The following CUL9 variants were observed in gnomAD, a reference collection of about 807,000 sequenced individuals.
The protein encoded by CUL9 is cullin 9.
CUL9 carries 79 observed loss-of-function variants against 272.6 expected under a neutral mutation model. The ratio of observed to expected loss-of-function variants is 0.29; its 90% CI spans 0.24 to 0.35. The LOEUF is 0.35. Among genes scored for constraint, CUL9 ranks in the 10% least tolerant of loss-of-function variants. CUL9 has a pLI of 1.00. For missense variants in CUL9, 2,532 were observed against 3,255.6 expected, an observed-to-expected ratio of 0.78 and a Z score of 5.41; for synonymous variants, 1,186 against 1,286.5, an observed-to-expected ratio of 0.92 and a Z score of 1.67.
chr6:43,193,187 G>A lies in CUL9; in HGVS notation c.2367G>A (p.Leu789=). 6.2e-7 allele frequency: 1 copy of A among 1,614,088 alleles called. No individual in the cohort carries two copies. Among genetic ancestry groups the A allele is most frequent in the Non-Finnish European group, 8.5e-7 (1 of 1,179,998 alleles). ...VCMQEYKTSV[L]VQQAGLAALK... ...TGCAAGAATATAAGACTTCTGTCTT[G>A]GTGCAGCAGGCTGGGCTGGCGGTGA... Residue 789 remains leucine (L), a synonymous_variant, in exon 9 of 41, where the codon TTG becomes TTA. Coordinates refer to ENST00000252050, the MANE Select transcript of CUL9 (RefSeq NM_015089.4).
In CUL9 at chr6:43,223,415, C is replaced by T; in HGVS notation, c.7284+18C>T. ...CTGCCCAGGTACTGCCCGGCCCAGA[C>T]CCCTTCTGCTCCTGCATTCTGCGGG... On this transcript the variant is annotated intron_variant, in intron 39 of 40. Transcript: ENST00000252050. The surrounding 1 kb of genome is among the most constrained non-coding windows in gnomAD (Gnocchi z 4.1). 6.3e-7 allele frequency: 1 copy of T among 1,581,170 alleles called. No homozygotes were observed. Among genetic ancestry groups the T allele is most frequent in the Non-Finnish European group, 8.6e-7 (1 of 1,160,440 alleles).
At chr6:43,204,895 G>T (rs750665784) in intron 22 of CUL9, 38 bp downstream of exon 22, 4 of 1,612,118 alleles carry the variant, frequency 2.5e-6, no homozygotes, top group East Asian at 4.5e-5. Context: ...GAGGGGAGGG[G>T]CTGCTCCTTT....
rs138637879 is a variant in CUL9, at chr6:43,204,822, A to C, written c.4414A>C (p.Ile1472Leu). 3 of 1,614,222 alleles carry C rather than the reference A, an allele frequency of 1.9e-6. No homozygotes were observed. Among genetic ancestry groups the C allele is most frequent in the Non-Finnish European group, 2.5e-6 (3 of 1,180,042 alleles). ...GCTTCCAAGCAGCAGCCTGAGGAAC[A>C]TAACCCAGTGCTGGCTGAGCGTGGT... Reference protein sequence around the residue: ...PVLPSSSLRNITQCWLSVVQE... With the variant: ...PVLPSSSLRNLTQCWLSVVQE... Residue 1472 changes from isoleucine to leucine, a missense_variant, in exon 22 of 41, where the codon ATA (isoleucine) becomes CTA (leucine). By Grantham distance (5) the Ile-to-Leu change is conservative. Around this residue, in one of 3 missense-constraint regions of CUL9, gnomAD observed 2,218 missense variants for 2,788.6 expected, o/e 0.80. Transcript: ENST00000252050.
chr6:43,221,774 C>T lies in CUL9; in HGVS notation c.6842C>T (p.Ala2281Val), dbSNP rs1776386006. The T allele has an allele frequency of 6.2e-7, 1 of 1,611,574 alleles. No homozygotes were observed. ...PNHKDYYNCS[A>V]MVSKAARQEK... ...CACAAAGACTATTACAACTGCTCTG[C>T]CATGGTAAGGCGCTGGGCACTAGGG... The change falls in exon 35 of 41, where the codon GCC becomes GTC. Residue 2281 changes from alanine to valine, a missense_variant. Physicochemically the swap from Ala to Val is moderately conservative, Grantham distance 64. Coordinates refer to ENST00000252050, the MANE Select transcript of CUL9 (RefSeq NM_015089.4). The surrounding 1 kb of genome is among the most constrained non-coding windows in gnomAD (Gnocchi z 4.2).
intron 37 of CUL9, 43 bp downstream of exon 37, chr6:43,222,684 A>G (rs1303726764): frequency 6.2e-7 from 1 of 1,607,224 alleles, no homozygotes; most frequent in South Asian, 1.1e-5. Context: ...GGGTGTGCCA[A>G]ATGGGTCTGG....
Position 43,224,190 on chromosome 6 carries a change from A to G in CUL9, c.7358+22A>G, listed in dbSNP as rs2150664395. On this transcript the variant is annotated intron_variant, in intron 40 of 40. Coordinates refer to ENST00000252050, the MANE Select transcript of CUL9 (RefSeq NM_015089.4). The surrounding 1 kb of genome is among the most constrained non-coding windows in gnomAD (Gnocchi z 4.2). The stretch of plus-strand genomic sequence containing the variant: ...GTCAGTAAGTGGGGTGGGCAGAGCC[A>G]TGGAGGAGGCAGTGGGACATGGCAG... 1.5e-5 allele frequency: 25 copies of G among 1,614,220 alleles called. No homozygotes were observed. Among genetic ancestry groups the G allele is most frequent in the Non-Finnish European group, 2.1e-5 (25 of 1,180,016 alleles).
At position 43,198,710 on chromosome 6, in the gene CUL9, C is replaced by T. The variant is rs537266929; in HGVS notation, c.2905C>T (p.Arg969Cys). The change falls in exon 12 of 41, where the codon CGT (arginine) becomes TGT (cysteine). Residue 969 changes from arginine (R) to cysteine (C), a missense_variant. Physicochemically the swap from Arg to Cys is radical, Grantham distance 180 (BLOSUM62 -3). Coordinates refer to ENST00000252050, the MANE Select transcript of CUL9 (RefSeq NM_015089.4). ...PSAELLLDLE[R>C]VLCREGSPGG... is the part of the protein sequence containing the mutation. Reference sequence around the variant, plus strand: ...TGCAGAACTACTCCTGGACTTGGAGCGTGTGCTGTGCCGTGAGGGCAGCCC... The same window carrying T: ...TGCAGAACTACTCCTGGACTTGGAGTGTGTGCTGTGCCGTGAGGGCAGCCC... 1.9e-6 allele frequency: 3 copies of T among 1,614,170 alleles called. No individual in the cohort carries two copies. The highest frequency in any genetic ancestry group is 2.2e-5 in the East Asian group (1 of 44,880).
intron 11 of CUL9, chr6:43,198,319 C>T: frequency 1.0e-6 from 1 of 975,576 alleles, no homozygotes; most frequent in South Asian, 4.7e-5. Context: ...ATATAATCAT[C>T]ATAGTTAATA....
At position 43,184,766 on chromosome 6, in the gene CUL9, C is replaced by T. The variant is rs115556089; in HGVS notation, c.456C>T (p.Tyr152=). Residue 152 remains tyrosine, a synonymous_variant, in exon 2 of 41, where the codon TAC becomes TAT. Transcript: ENST00000252050. The surrounding 1 kb of genome is among the most constrained non-coding windows in gnomAD (Gnocchi z 4.8). ...VLHTIHVLSA[Y]ASIGPLTGVF... is the part of the protein sequence containing the mutation. ...ACACCATCCACGTGCTCAGTGCCTA[C>T]GCCAGCATCGGGCCCCTCACTGGTG... 8.7e-4 allele frequency: 1,399 copies of T among 1,614,172 alleles called. 4 individuals are homozygous for T. In the African/African-American group the frequency reaches 0.014, roughly 16 times the overall value.
chr6:43,207,439 G>A (rs1477919479), intron 26 of CUL9, among the ~76,000 whole-genome samples: 2 of 152,156 alleles, frequency 1.3e-5, no homozygotes, highest in Non-Finnish European at 2.9e-5. Context: ...GTCTGTGAGG[G>A]TTATTCAGGT....
In CUL9 at chr6:43,216,438, T is replaced by C; in HGVS notation, c.6217T>C (p.Cys2073Arg). The stretch of plus-strand genomic sequence containing the variant: ...CGTACGGCCTGACCACTGCCCCGTC[T>C]GTGTGAGCCCCCTGGGGTGTGACGA... ...VPVRPDHCPV[C>R]VSPLGCDDDL... Residue 2073 changes from cysteine (C) to arginine (R), a missense_variant, in exon 31 of 41, where the codon TGT (cysteine) becomes CGT (arginine). Physicochemically the swap from Cys to Arg is radical, Grantham distance 180. Coordinates refer to ENST00000252050, the MANE Select transcript of CUL9 (RefSeq NM_015089.4). 6.2e-7 allele frequency: 1 copy of C among 1,611,658 alleles called. No homozygotes were observed. Among genetic ancestry groups the C allele is most frequent in the East Asian group, 2.2e-5 (1 of 44,792 alleles).
At position 43,213,284 on chromosome 6, in the gene CUL9, A is replaced by G. The variant is rs762115660; in HGVS notation, c.5348A>G (p.Asn1783Ser). Residue 1783 changes from asparagine (N) to serine (S), a missense_variant, in exon 27 of 41, where the codon AAT (asparagine) becomes AGT (serine). Physicochemically the swap from Asn to Ser is conservative, Grantham distance 46. This residue lies in a region of CUL9 where 2,218 missense variants were observed against 2,788.6 expected (regional missense o/e 0.80). Transcript: ENST00000252050. The surrounding 1 kb of genome is among the most constrained non-coding windows in gnomAD (Gnocchi z 5.7). ...CAGATGTGGCTGCTGCTGAAATTCA[A>G]TCAGACAGAGGTGCTTCAGCCCTTA... Reference protein sequence around the residue: ...TVQMWLLLKFNQTEEVSVETL... With the variant: ...TVQMWLLLKFSQTEEVSVETL... The G allele has an allele frequency of 7.4e-6, 12 of 1,613,516 alleles. No homozygotes were observed. The highest frequency in any genetic ancestry group is 5.4e-5 in the African/African-American group (4 of 74,684).
chr6:43,187,991 G>A lies in CUL9; in HGVS notation c.1860G>A (p.Lys620=), dbSNP rs1350400081. The A allele has an allele frequency of 7.4e-6, 12 of 1,613,864 alleles. No individual in the cohort carries two copies. Among genetic ancestry groups the A allele is most frequent in the Non-Finnish European group, 9.3e-6 (11 of 1,180,046 alleles). ...TCAAAGCAAAGGCCGAGGCCCCTAA[G>A]ACAGAGGCCGAGCCCACCAAGACAA... ...ESLKAKAEAP[K]TEAEPTKTRT... is the part of the protein sequence containing the mutation. The change falls in exon 7 of 41, where the codon AAG becomes AAA. Residue 620 remains lysine, a synonymous_variant. Coordinates refer to ENST00000252050, the MANE Select transcript of CUL9 (RefSeq NM_015089.4).
At chr6:43,216,705 G>C (rs1775968030) in intron 31 of CUL9, among the ~76,000 whole-genome samples, 1 of 152,156 alleles carries the variant, frequency 6.6e-6, no homozygotes, top group African/African-American at 2.4e-5. Flanking sequence ...GGTGGTGGTT[G>C]GGATCCAGCG....
chr6:43,204,725 T>C, intron 21 of CUL9, 23 bp from the exon 22 acceptor site: 1 of 1,612,576 alleles, frequency 6.2e-7, no homozygotes, highest in Non-Finnish European at 8.5e-7. Context: ...TGAAACCCCT[T>C]CCTTCTCCCT....
Position 43,220,607 on chromosome 6 carries a change from C to T in CUL9, c.6423+8C>T, listed in dbSNP as rs1485307394. 1.2e-6 allele frequency: 2 copies of T among 1,613,930 alleles called. No individual in the cohort carries two copies. Among genetic ancestry groups the T allele is most frequent in the East Asian group, 4.5e-5 (2 of 44,884 alleles). ...CCAGAGGTCATCTCCAAGGTATCCC[C>T]TCTCGTCTGAGAGAGGCTCCAGTGC... On this transcript the variant is annotated splice_region_variant and intron_variant, in intron 32 of 40. Transcript: ENST00000252050. This position sits in a 1 kb window ranked among gnomAD's most constrained non-coding sequence, Gnocchi z 4.9.
chr6:43,212,185 G>T (rs1410011377), intron 26 of CUL9, among the ~76,000 whole-genome samples: 1 of 152,212 alleles, frequency 6.6e-6, no homozygotes, highest in African/African-American at 2.4e-5. Context: ...TCTCAGGCAA[G>T]AACACTTCAT....
intron 9 of CUL9, among the ~76,000 whole-genome samples, 168 bp from the exon 10 acceptor site, chr6:43,195,901 C>G (rs1197000131): frequency 6.6e-6 from 1 of 152,082 alleles, no homozygotes; most frequent in African/African-American, 2.4e-5. Flanking sequence ...CTCCTTCCCT[C>G]TCTTTGTAGT....
In CUL9 at chr6:43,220,940, G is replaced by C; in HGVS notation, c.6588+29G>C. On this transcript the variant is annotated intron_variant, in intron 33 of 40. Coordinates refer to ENST00000252050, the MANE Select transcript of CUL9 (RefSeq NM_015089.4). The surrounding 1 kb of genome is among the most constrained non-coding windows in gnomAD (Gnocchi z 4.9). ...GGAGCCCCACACTGGCCCTGACCCT[G>C]AGCAAGGATTCACACTCCTTCCCTG... The C allele has an allele frequency of 6.3e-7, 1 of 1,578,438 alleles. No homozygotes were observed. The highest frequency in any genetic ancestry group is 8.6e-7 in the Non-Finnish European group (1 of 1,160,592).
Sources: allele counts gnomAD v4.1 joint callset (sites outside exome capture counted in the v4.1 genomes callset), GRCh38; gene constraint gnomAD v4.1.1; regional missense constraint gnomAD v4.1.1; non-coding constraint Gnocchi (gnomAD v3.1); transcripts MANE v1.5; gene names NCBI Gene and HGNC (gene_info 2026-07-23, HGNC 2026-07-21).